NEIL3: variants seen among roughly 807,000 people sequenced by gnomAD.
NEIL3 encodes the protein nei like DNA glycosylase 3.
A neutral mutation model predicts 57.5 loss-of-function variants in NEIL3; 48 were observed. That is an observed-to-expected ratio of 0.83 (90% CI 0.66 to 1.06). The LOEUF (loss-of-function observed/expected upper bound fraction) is 1.06, where lower values mean the gene tolerates loss of function less well. Ranked by LOEUF, NEIL3 falls within the 50% of genes least tolerant of loss-of-function variation. The pLI, the probability that NEIL3 is intolerant of heterozygous loss-of-function variation, is 0.00. For missense variants in NEIL3, 717 were observed against 739.1 expected (o/e 0.97, Z 0.35); for synonymous variants, 261 against 253.2 (o/e 1.03, Z -0.29).
chr4:177,310,802 C>T (rs1734462082), intron 1 of NEIL3, among the ~76,000 whole-genome samples: 1 of 152,318 alleles, frequency 6.6e-6, no homozygotes, highest in East Asian at 1.9e-4. Flanking sequence ...TAAAAGCCCT[C>T]TAGATGTATG....
intron 6 of NEIL3, chr4:177,343,668 C>G (rs1381343874): frequency 1.3e-5 from 2 of 152,150 alleles, no homozygotes; most frequent in Non-Finnish European, 2.9e-5. Context: ...CTACAGCACT[C>G]TATATCTTCT....
intron 5 of NEIL3, among the ~76,000 whole-genome samples, chr4:177,340,674 C>G (rs1735073902): frequency 6.6e-6 from 1 of 152,134 alleles, no homozygotes; most frequent in Admixed American, 6.6e-5. Context: ...CATTTCCACC[C>G]AGATTAAATT....
At chr4:177,337,770 G>A (rs1036415111) in intron 4 of NEIL3, among the ~76,000 whole-genome samples, 8 of 152,098 alleles carry the variant, frequency 5.3e-5, no homozygotes, top group African/African-American at 1.7e-4. Flanking sequence ...AGGCTGACGC[G>A]GGCAGATCAC....
chr4:177,350,038 G>T (rs1412132969), intron 6 of NEIL3, among the ~76,000 whole-genome samples: 1 of 152,306 alleles, frequency 6.6e-6, no homozygotes, highest in East Asian at 1.9e-4. Context: ...GGCATTAAAA[G>T]TCAAGGGAAG....
At chr4:177,363,307 T>G (rs150543917), downstream of NEIL3, among the ~76,000 whole-genome samples, 204 of 152,336 alleles carry the variant, frequency 1.3e-3, no homozygotes, top group Middle Eastern at 0.01. Context: ...TGAACCACTT[T>G]CCCGTTCTAC....
intron 2 of NEIL3, among the ~76,000 whole-genome samples, chr4:177,325,263 T>C (rs17064641): frequency 0.12 from 18,457 of 152,106 alleles, 1,213 homozygotes; most frequent in Middle Eastern, 0.21. Flanking sequence ...ATAAAAGAGT[T>C]TTACAGCTTC....
chr4:177,343,932 A>G (rs943261455), intron 6 of NEIL3, among the ~76,000 whole-genome samples: 9 of 152,224 alleles, frequency 5.9e-5, no homozygotes, highest in Admixed American at 2.6e-4. Context: ...AAGATCTTCA[A>G]TATATATTTG....
At chr4:177,348,953 C>T (rs551880228) in intron 6 of NEIL3, among the ~76,000 whole-genome samples, 11 of 143,124 alleles carry the variant, frequency 7.7e-5, no homozygotes, top group African/African-American at 2.1e-4. Flanking sequence ...CTTCAAGCTC[C>T]GCCTCCCGGG....
intron 4 of NEIL3, among the ~76,000 whole-genome samples, chr4:177,338,763 A>G (rs1023400060): frequency 8.5e-5 from 13 of 152,340 alleles, no homozygotes; most frequent in African/African-American, 2.4e-4. Context: ...ATAGAAATGC[A>G]TATCTTTTCT....
intron 2 of NEIL3, among the ~76,000 whole-genome samples, chr4:177,327,010 C>T (rs893502778): frequency 3.3e-5 from 5 of 151,886 alleles, no homozygotes; most frequent in African/African-American, 9.7e-5. Context: ...GGGAAAGAGG[C>T]GACTGGATCA....
intron 5 of NEIL3, 70 bp from the exon 6 acceptor site, chr4:177,341,405 GA>G: frequency 7.7e-7 from 1 of 1,295,442 alleles, no homozygotes; most frequent in Non-Finnish European, 1.0e-6. Context: ...TGACTTTCGA[GA>G]ATGTGTCTTT....
At chr4:177,321,784 C>T (rs979652226) in intron 1 of NEIL3, among the ~76,000 whole-genome samples, 2 of 152,052 alleles carry the variant, frequency 1.3e-5, no homozygotes, top group Non-Finnish European at 2.9e-5. Context: ...CTCAGGGGGC[C>T]GCAGGTTTTT....
chr4:177,320,959 C>CTT (rs1243264013), intron 1 of NEIL3, among the ~76,000 whole-genome samples: 84 of 140,814 alleles, frequency 6.0e-4, no homozygotes, highest in African/African-American at 1.8e-3. Flanking sequence ...GTGTCTGTCT[C>CTT]TTTTTTTTTT....
intron 3 of NEIL3, 35 bp downstream of exon 3, chr4:177,335,857 A>C (rs769672320): frequency 6.6e-7 from 1 of 1,510,234 alleles, no homozygotes; most frequent in South Asian, 1.4e-5. Flanking sequence ...TTACGCTGCA[A>C]TACTGCAGAG....
chr4:177,315,026 G>A (rs545733006), intron 1 of NEIL3, among the ~76,000 whole-genome samples: 3 of 144,246 alleles, frequency 2.1e-5, no homozygotes, highest in African/African-American at 5.2e-5. Flanking sequence ...CCGAGATCGC[G>A]CCACTGCACT....
chr4:177,336,413 C>A (rs1329524032), intron 4 of NEIL3, 92 bp downstream of exon 4: 3 of 911,874 alleles, frequency 3.3e-6, no homozygotes, highest in Non-Finnish European at 3.4e-6. Context: ...TTCAGTAACA[C>A]AGTCTCATCA....
Position 177,362,769 on chromosome 4 carries a change from G to A in NEIL3, c.*298G>A, listed in dbSNP as rs545397585. On this transcript the variant is annotated 3_prime_UTR_variant, in exon 10 of 10. Transcript: ENST00000264596. ...GTTTTTAGTATGCTTTTAGTCTCTT[G>A]TAACTGGGGAGAAGCAGTGTTTTTT... 46 of 192,226 alleles carry A rather than the reference G, an allele frequency of 2.4e-4. No individual in the cohort carries two copies. The highest frequency in any genetic ancestry group is 4.1e-4 in the Non-Finnish European group (39 of 94,872). 11.9% of individuals were successfully genotyped at this position (192,226 alleles called of 1,614,324 possible). A position where few individuals can be genotyped will look rare whatever the true frequency, so the allele number is the denominator to read the frequency against.
At chr4:177,358,683 T>A (rs539343133) in intron 8 of NEIL3, among the ~76,000 whole-genome samples, 1 of 152,186 alleles carries the variant, frequency 6.6e-6, no homozygotes, top group Non-Finnish European at 1.5e-5. Context: ...GAGATGACAT[T>A]TGGGCCTCTC....
chr4:177,351,538 C>A lies in NEIL3; in HGVS notation c.1028C>A (p.Ser343Ter). Residue 343 changes from serine to a stop codon, truncating the protein, a stop_gained, in exon 7 of 10, where the codon TCA becomes TAA. Coordinates refer to ENST00000264596, the MANE Select transcript of NEIL3 (RefSeq NM_018248.3). LOFTEE classifies it high-confidence loss of function. ...SSKACDACLTSRPIDSVLKSE... is the reference protein window; with the variant it reads ...SSKACDACLT ...AAGGCATGTGATGCTTGCTTGACCT[C>A]AAGGCCTATTGGTAAGACTGAATTT... The A allele has an allele frequency of 6.2e-7, 1 of 1,611,382 alleles. No individual in the cohort carries two copies. Among genetic ancestry groups the A allele is most frequent in the South Asian group, 1.1e-5 (1 of 90,342 alleles).
Sources: gnomAD v4.1 joint callset for allele counts (sites outside exome capture counted in the v4.1 genomes callset) on GRCh38, gnomAD v4.1.1 for gene constraint, MANE v1.5 for transcripts, NCBI Gene and HGNC (gene_info 2026-07-23, HGNC 2026-07-21) for gene names.